KCNK10: variants seen among roughly 807,000 people sequenced by gnomAD.
KCNK10 encodes potassium two pore domain channel subfamily K member 10, also known as potassium channel subfamily K member 10.
A neutral mutation model predicts 47.7 loss-of-function variants in KCNK10; 25 were observed. The observed-to-expected ratio is 0.52, with a 90% CI of 0.38 to 0.73. The LOEUF is 0.73. Among genes scored for constraint, KCNK10 ranks in the 30% least tolerant of loss-of-function variants. The pLI is 0.00. For missense variants in KCNK10, 563 were observed against 714.5 expected (o/e 0.79, Z 2.42); for synonymous variants, 303 against 285.6 (o/e 1.06, Z -0.61).
At chr14:88,192,556 G>T (rs1884784581) in intron 4 of KCNK10, 146 bp from the exon 5 acceptor site, 2 of 675,274 alleles carry the variant, frequency 3.0e-6, no homozygotes, top group African/African-American at 1.8e-5. Flanking sequence ...TGAACGCTGT[G>T]AACTCTTTCC....
rs1884328841 is a variant in KCNK10 at position 88,181,069 on chromosome 14, G to T, written c.*4466C>A. 5.3e-6 allele frequency: 2 copies of T among 375,440 alleles called. No individual in the cohort carries two copies. The highest frequency in any genetic ancestry group is 7.6e-5 in the East Asian group (2 of 26,286). The allele number at this position is 375,440 out of a possible 1,614,324, so 23.3% of individuals were successfully genotyped here. ...AGCAGAGATGTGGAATGCAACACTG[G>T]CTGGTTTTTCCTTTCTCGTTTTACA... On this transcript the variant is annotated 3_prime_UTR_variant, in exon 7 of 7. Transcript: ENST00000319231.
chr14:88,269,301 C>T (rs771233997), intron 1 of KCNK10, among the ~76,000 whole-genome samples: 2 of 152,192 alleles, frequency 1.3e-5, no homozygotes, highest in African/African-American at 2.4e-5. Flanking sequence ...TCCATTCATT[C>T]GTTCAATCAA....
Position 88,180,759 on chromosome 14 carries a change from A to G in KCNK10, c.*4776T>C, listed in dbSNP as rs750447017. The G allele has an allele frequency of 3.8e-5, 15 of 398,620 alleles. No individual in the cohort carries two copies. The highest frequency in any genetic ancestry group is 6.2e-5 in the Non-Finnish European group (14 of 226,052). The allele number at this position is 398,620 out of a possible 1,614,324, so 24.7% of individuals were successfully genotyped here. On this transcript the variant is annotated 3_prime_UTR_variant, in exon 7 of 7. Coordinates refer to ENST00000319231, the MANE Select transcript of KCNK10 (RefSeq NM_138317.3). ...CAGGCATGAGAGAACTGAGGTTTAC[A>G]TGGAGTATGGATGGGTTGGTGAAGT...
chr14:88,240,620 A>T (rs1053554148), intron 3 of KCNK10, 83 bp downstream of exon 3: 3 of 858,700 alleles, frequency 3.5e-6, no homozygotes, highest in Admixed American at 1.7e-5. Context: ...ACTATAGTGT[A>T]TGCTATGAGG....
At chr14:88,247,513 C>G (rs1321773959) in intron 2 of KCNK10, among the ~76,000 whole-genome samples, 1 of 152,192 alleles carries the variant, frequency 6.6e-6, no homozygotes, top group Non-Finnish European at 1.5e-5. Flanking sequence ...CAGTTATGTG[C>G]AAATATTAGC....
chr14:88,187,129 A>G (rs560566758), intron 6 of KCNK10, among the ~76,000 whole-genome samples: 18 of 152,272 alleles, frequency 1.2e-4, no homozygotes, highest in African/African-American at 4.3e-4. Flanking sequence ...TGGCTTACTT[A>G]TATAAACCAG....
intron 1 of KCNK10, among the ~76,000 whole-genome samples, chr14:88,299,613 T>C (rs1888055004): frequency 6.6e-6 from 1 of 152,174 alleles, no homozygotes; most frequent in Non-Finnish European, 1.5e-5. Context: ...AACACACATA[T>C]GCAACATTTT....
chr14:88,270,941 C>T, intron 1 of KCNK10: 1 of 707,988 alleles, frequency 1.4e-6, no homozygotes, highest in South Asian at 1.6e-5. Flanking sequence ...GGACCTGGCG[C>T]CTGCCTATCT....
chr14:88,312,260 C>T (rs1888342228), intron 1 of KCNK10, among the ~76,000 whole-genome samples: 1 of 152,170 alleles, frequency 6.6e-6, no homozygotes, highest in Non-Finnish European at 1.5e-5. Context: ...TCATTGGATG[C>T]ATCCTGCTTC....
At chr14:88,228,320 G>C (rs538601406) in intron 3 of KCNK10, among the ~76,000 whole-genome samples, 8 of 133,096 alleles carry the variant, frequency 6.0e-5, no homozygotes, top group African/African-American at 2.5e-4. Context: ...GAAAATACCC[G>C]CAGCAATCTT....
chr14:88,227,620 T>C (rs140793767), intron 3 of KCNK10, 85 bp from the exon 4 acceptor site: 3 of 1,291,224 alleles, frequency 2.3e-6, no homozygotes, highest in Middle Eastern at 2.7e-4. Context: ...TAAAAGTTTG[T>C]ACATTCCCCC....
intron 1 of KCNK10, among the ~76,000 whole-genome samples, chr14:88,287,677 GTGTGTGTGTGT>G (rs1887792470): frequency 1.2e-3 from 44 of 36,902 alleles, no homozygotes; most frequent in Middle Eastern, 0.01. Context: ...ATTCCATGGT[GTGTGTGTGTGT>G]GTGTGTGTGT....
rs10541410 is a variant in KCNK10 at position 88,281,727 on chromosome 14, C to CATATAT, written c.53-18182_53-18177dup. The stretch of plus-strand genomic sequence containing the variant: ...ATAAATAAATCTCTCTCTCTCTCTC[C>CATATAT]ATATATATATATATATATATATATA... On this transcript the variant is annotated intron_variant, in intron 1 of 6. Transcript: ENST00000319231. Among the ~76,000 whole-genome samples the CATATAT allele has an allele frequency of 7.3e-4, 104 of 141,748 alleles. 1 individual carries two copies. Among genetic ancestry groups the CATATAT allele is most frequent in the South Asian group, 1.6e-3 (7 of 4,354 alleles). 93.0% of individuals were successfully genotyped at this position (141,748 alleles called of 152,430 possible).
intron 4 of KCNK10, among the ~76,000 whole-genome samples, chr14:88,200,375 C>T (rs3861648): frequency 0.54 from 82,734 of 151,912 alleles, 22,670 homozygotes; most frequent in East Asian, 0.7. Context: ...AATTGGGGTA[C>T]AGAAAGAAGA....
In KCNK10 at chr14:88,291,542, G is replaced by C. The variant is rs564272598; in HGVS notation, c.53-27991C>G. On this transcript the variant is annotated intron_variant, in intron 1 of 6. Coordinates refer to ENST00000319231, the MANE Select transcript of KCNK10 (RefSeq NM_138317.3). ...AAAGAGAACTGCTCAGAGATCAGAG[G>C]GGTTGGCAGAAGGGGGTCTCAGCAT... is the stretch of plus-strand genomic sequence containing the variant. 3.9e-5 allele frequency among the ~76,000 whole-genome samples: 6 copies of C among 152,336 alleles called. 1 individual carries two copies. In the South Asian group the frequency reaches 1.2e-3, roughly 32 times the overall value.
intron 4 of KCNK10, among the ~76,000 whole-genome samples, chr14:88,192,942 T>C (rs1402088227): frequency 6.6e-6 from 1 of 152,162 alleles, no homozygotes; most frequent in Non-Finnish European, 1.5e-5. Flanking sequence ...AACACAGTCA[T>C]CCCCATCTTC....
At chr14:88,312,451 C>T (rs1366073082) in intron 1 of KCNK10, among the ~76,000 whole-genome samples, 2 of 152,238 alleles carry the variant, frequency 1.3e-5, no homozygotes, top group Admixed American at 1.3e-4. Context: ...ACTTGCGTTT[C>T]AGTCACCATA....
chr14:88,204,241 C>T (rs967763218), intron 4 of KCNK10, among the ~76,000 whole-genome samples: 2 of 152,136 alleles, frequency 1.3e-5, no homozygotes, highest in Non-Finnish European at 2.9e-5. Flanking sequence ...GAGGTTCCCT[C>T]GAGAAATAAC....
intron 1 of KCNK10, among the ~76,000 whole-genome samples, chr14:88,310,240 T>TGATATGGTATATGATATACC (rs57901159): frequency 1.0e-4 from 15 of 143,258 alleles, no homozygotes; most frequent in African/African-American, 3.7e-4. Flanking sequence ...ATATACCATA[T>TGATATGGTATATGATATACC]AAATGATATG....
Sources: gnomAD v4.1 joint callset for allele counts (sites outside exome capture counted in the v4.1 genomes callset) on GRCh38, gnomAD v4.1.1 for gene constraint, MANE v1.5 for transcripts, NCBI Gene and HGNC (gene_info 2026-07-23, HGNC 2026-07-21) for gene names.